CSF2RA: variants seen among roughly 807,000 people sequenced by gnomAD.
CSF2RA encodes colony stimulating factor 2 receptor subunit alpha, also known as granulocyte-macrophage colony-stimulating factor receptor subunit alpha.
A neutral mutation model predicts 51.6 loss-of-function variants in CSF2RA; 42 were observed. The ratio of observed to expected loss-of-function variants is 0.81; its 90% CI spans 0.64 to 1.05. The LOEUF (loss-of-function observed/expected upper bound fraction) is 1.05. CSF2RA is among the 50% of genes least tolerant of loss of function. CSF2RA has a pLI of 0.00. For missense variants in CSF2RA, 530 were observed against 501.1 expected (o/e 1.06, Z -0.55); for synonymous variants, 222 against 193.0 (o/e 1.15, Z -1.24).
Position 1,288,248 on chromosome X carries a change from G to A in CSF2RA, c.220-271G>A, listed in dbSNP as rs1242507749. On this transcript the variant is annotated intron_variant, in intron 4 of 12. Transcript: ENST00000381529. Reference sequence around the variant, plus strand: ...TGTAATCCCAGCACTTTGGGAGGCCGAGGCGGGTGGATCACCTGAGGTCAG... The same window carrying A: ...TGTAATCCCAGCACTTTGGGAGGCCAAGGCGGGTGGATCACCTGAGGTCAG... Among the ~76,000 whole-genome samples, 3 of 149,880 alleles carry A rather than the reference G, an allele frequency of 2.0e-5. No homozygotes were observed. The Admixed American group carries it at 2.0e-4, about 10-fold the overall frequency.
chrX:1,285,807 C>G lies in CSF2RA; in HGVS notation c.106C>G (p.Leu36Val). Reference protein sequence around the residue: ...DLRTVAPASSLNVRFDSRTMN... With the variant: ...DLRTVAPASSVNVRFDSRTMN... The stretch of plus-strand genomic sequence containing the variant: ...GCGAACAGTGGCACCAGCCTCTAGT[C>G]TCAATGTGAGGTTTGACTCCAGGAC... The change falls in exon 4 of 13, where the codon CTC becomes GTC. Residue 36 changes from leucine (L) to valine (V), a missense_variant. By Grantham distance (32) the Leu-to-Val change is conservative. Transcript: ENST00000381529. 1 of 1,611,368 alleles carries G rather than the reference C, an allele frequency of 6.2e-7. No homozygotes were observed. Among genetic ancestry groups the G allele is most frequent in the Non-Finnish European group, 8.5e-7 (1 of 1,178,710 alleles).
chrX:1,289,111 G>A (rs1252943432), intron 6 of CSF2RA: 11 of 589,742 alleles, frequency 1.9e-5, no homozygotes, highest in South Asian at 3.9e-5. Context: ...ACAGGCGCCC[G>A]CCACCACACC....
chrX:1,315,437 T>C, the CSF2RA span, among the ~76,000 whole-genome samples: 2 of 152,092 alleles, frequency 1.3e-5, no homozygotes, highest in African/African-American at 4.8e-5. Context: ...AGAGTCTCAT[T>C]CTGTCACCCA....
chrX:1,315,700 C>T, the CSF2RA span, among the ~76,000 whole-genome samples: 1 of 151,880 alleles, frequency 6.6e-6, no homozygotes, highest in East Asian at 1.9e-4. Context: ...CCACCTTGCC[C>T]AGCCATAATG....
intron 9 of CSF2RA, among the ~76,000 whole-genome samples, chrX:1,295,909 C>A (rs2091900028): frequency 7.8e-6 from 1 of 128,046 alleles, no homozygotes; most frequent in African/African-American, 3.1e-5. Context: ...CAGTCCCCTA[C>A]CGATGACCTC....
intron 4 of CSF2RA, 83 bp from the exon 5 acceptor site, chrX:1,288,436 C>T (rs1603427901): frequency 1.3e-6 from 2 of 1,537,632 alleles, no homozygotes; most frequent in East Asian, 2.3e-5. Context: ...GAGCCGAGAT[C>T]ACGCCACTGC....
chrX:1,291,488 G>C (rs2091395600), intron 7 of CSF2RA, among the ~76,000 whole-genome samples: 1 of 151,036 alleles, frequency 6.6e-6, no homozygotes, highest in Admixed American at 6.7e-5. Flanking sequence ...CCAGTGCCCT[G>C]CTCCTGGCTG....
chrX:1,312,854 C>G (rs2084245762), downstream of CSF2RA, among the ~76,000 whole-genome samples: 1 of 152,014 alleles, frequency 6.6e-6, no homozygotes, highest in South Asian at 2.1e-4. Context: ...AGGCAGCCTT[C>G]CGGAACCTTC....
intron 3 of CSF2RA, among the ~76,000 whole-genome samples, chrX:1,283,004 G>C (rs1603424314): frequency 6.6e-6 from 1 of 152,216 alleles, no homozygotes; most frequent in East Asian, 1.9e-4. Context: ...GAAAACGGAG[G>C]CTCAGATACC....
downstream of CSF2RA, among the ~76,000 whole-genome samples, chrX:1,313,273 A>T (rs28508238): frequency 6.6e-5 from 10 of 151,894 alleles, no homozygotes; most frequent in Non-Finnish European, 8.8e-5. Context: ...AAATACAAAA[A>T]AAAAAATAAA....
At chrX:1,292,852 C>T (rs1291194436) in intron 7 of CSF2RA, among the ~76,000 whole-genome samples, 2 of 152,058 alleles carry the variant, frequency 1.3e-5, no homozygotes, top group African/African-American at 4.8e-5. Flanking sequence ...TTATGGATGT[C>T]GGGCTGGGGG....
chrX:1,269,407 GGTCGACAGTTC>G (rs1382478394), intron 1 of CSF2RA, among the ~76,000 whole-genome samples: 156 of 152,004 alleles, frequency 1.0e-3, no homozygotes, highest in Non-Finnish European at 1.5e-3. Context: ...GATCACCTGA[GGTCGACAGTTC>G]GAGACCATCC....
chrX:1,274,460 G>A (rs2088873402), intron 1 of CSF2RA, among the ~76,000 whole-genome samples: 1 of 148,618 alleles, frequency 6.7e-6, no homozygotes, highest in Non-Finnish European at 1.5e-5. Flanking sequence ...GAGTAGCTGG[G>A]ATTATAGGCA....
chrX:1,314,198 C>T (rs1489790809), downstream of CSF2RA, among the ~76,000 whole-genome samples: 1 of 151,876 alleles, frequency 6.6e-6, no homozygotes. Context: ...GGAGCTTTTG[C>T]AGAACCGCAC....
chrX:1,310,321 C>T (rs1196830621), downstream of CSF2RA: 3 of 150,786 alleles, frequency 2.0e-5, no homozygotes, highest in Non-Finnish European at 4.4e-5. Context: ...GAGATTGCGC[C>T]ATTGCAATCC....
At chrX:1,319,563 C>T in the CSF2RA span, among the ~76,000 whole-genome samples, 10 of 149,718 alleles carry the variant, frequency 6.7e-5, 1 homozygote, top group East Asian at 1.2e-3. Flanking sequence ...GATGGGTCTA[C>T]AGGCATGAGC....
chrX:1,277,874 G>A (rs1254592755), intron 2 of CSF2RA, among the ~76,000 whole-genome samples: 6 of 149,102 alleles, frequency 4.0e-5, no homozygotes, highest in Non-Finnish European at 8.9e-5. Context: ...CTACTCGGGA[G>A]GCTGAGGCAG....
intron 2 of CSF2RA, among the ~76,000 whole-genome samples, chrX:1,279,087 A>T (rs1295086579): frequency 6.0e-4 from 91 of 150,946 alleles, no homozygotes; most frequent in Non-Finnish European, 1.2e-4. Flanking sequence ...ACAGTGGCTC[A>T]CACCTGTCAT....
chrX:1,304,907 C>A (rs1478374454), intron 11 of CSF2RA, among the ~76,000 whole-genome samples: 2 of 150,460 alleles, frequency 1.3e-5, no homozygotes, highest in African/African-American at 4.9e-5. Flanking sequence ...TCAGGTGATC[C>A]ACCCGCCTTC....
Sources: gnomAD v4.1 joint callset for allele counts (sites outside exome capture counted in the v4.1 genomes callset) on GRCh38, gnomAD v4.1.1 for gene constraint, MANE v1.5 for transcripts, NCBI Gene and HGNC (gene_info 2026-07-23, HGNC 2026-07-21) for gene names.